Variants in AGBL1 observed in about 807,000 individuals in gnomAD.
AGBL1 encodes AGBL carboxypeptidase 1, also known as cytosolic carboxypeptidase 4.
In AGBL1, 130 loss-of-function variants were observed where a neutral mutation model predicts 118.9. The observed-to-expected ratio is 1.09, with a 90% CI of 0.95 to 1.26. The LOEUF (loss-of-function observed/expected upper bound fraction) is 1.26, where lower values mean the gene tolerates loss of function less well. Among genes scored for constraint, AGBL1 ranks in the 50% most tolerant of loss-of-function variants. The pLI is 0.00. For synonymous variants in AGBL1, 555 were observed against 478.9 expected (o/e 1.16, Z -2.08); for missense variants, 1,584 against 1,298.1 (o/e 1.22, Z -3.38).
chr15:86,881,836 A>C (rs1356378234), intron 22 of AGBL1, among the ~76,000 whole-genome samples: 1 of 152,144 alleles, frequency 6.6e-6, no homozygotes, highest in African/African-American at 2.4e-5. Context: ...GAGTTTTGCC[A>C]TGTGGGCTAG....
At chr15:86,470,291 C>G (rs1479674525) in intron 18 of AGBL1, among the ~76,000 whole-genome samples, 1 of 152,062 alleles carries the variant, frequency 6.6e-6, no homozygotes, top group Non-Finnish European at 1.5e-5. Context: ...TTGCATGTGA[C>G]TATCTAGTTT....
intron 17 of AGBL1, among the ~76,000 whole-genome samples, chr15:86,341,966 C>T (rs1050841957): frequency 2.2e-4 from 33 of 152,042 alleles, no homozygotes; most frequent in African/African-American, 5.1e-4. Flanking sequence ...ATGAATATTT[C>T]GTGAACCCAG....
chr15:87,029,144 A>C (rs141458587), downstream of AGBL1: 12 of 261,786 alleles, frequency 4.6e-5, no homozygotes, highest in East Asian at 7.6e-4. Flanking sequence ...AAAGAATCGC[A>C]AAGGTACTTC....
chr15:86,259,030 T>G (rs1025717065), intron 9 of AGBL1, among the ~76,000 whole-genome samples: 1 of 152,216 alleles, frequency 6.6e-6, no homozygotes, highest in East Asian at 1.9e-4. Context: ...TTTACAAAAA[T>G]AAGCAGTGGG....
intron 21 of AGBL1, among the ~76,000 whole-genome samples, chr15:86,585,705 C>G (rs1462135889): frequency 6.6e-6 from 1 of 152,008 alleles, no homozygotes; most frequent in Non-Finnish European, 1.5e-5. Context: ...ATAAAATAAA[C>G]AAAGGGTTAG....
intron 5 of AGBL1, among the ~76,000 whole-genome samples, chr15:86,200,071 C>T (rs2077878940): frequency 6.6e-6 from 1 of 152,144 alleles, no homozygotes; most frequent in Non-Finnish European, 1.5e-5. Flanking sequence ...CATGCAAACG[C>T]TGTTAATTGT....
At chr15:86,248,966 A>G (rs1457419570) in intron 7 of AGBL1, among the ~76,000 whole-genome samples, 4 of 152,196 alleles carry the variant, frequency 2.6e-5, no homozygotes, top group African/African-American at 9.6e-5. Context: ...TTGCAGAGGA[A>G]GAGCATCCCA....
chr15:86,628,429 A>T (rs553382107), intron 21 of AGBL1, among the ~76,000 whole-genome samples: 3 of 152,348 alleles, frequency 2.0e-5, no homozygotes. Context: ...CCTAGAACAT[A>T]GCACTGATAG....
intron 18 of AGBL1, among the ~76,000 whole-genome samples, chr15:86,492,741 A>G (rs2142144991): frequency 6.6e-6 from 1 of 152,222 alleles, no homozygotes; most frequent in African/African-American, 2.4e-5. Flanking sequence ...GATTATTTTG[A>G]GGGTAGTGTA....
intron 21 of AGBL1, among the ~76,000 whole-genome samples, chr15:86,658,423 T>C (rs1303059183): frequency 4.6e-5 from 7 of 152,188 alleles, no homozygotes; most frequent in Admixed American, 4.6e-4. Context: ...ATGAACTCTA[T>C]TGGGGATTTT....
chr15:86,405,220 G>A (rs1025191857), intron 18 of AGBL1, among the ~76,000 whole-genome samples: 1 of 152,126 alleles, frequency 6.6e-6, no homozygotes, highest in Admixed American at 6.6e-5. Flanking sequence ...TAAAGAAAGT[G>A]CCTATGCCTG....
chr15:87,001,826 TG>T (rs2081441452), intron 24 of AGBL1, among the ~76,000 whole-genome samples: 1 of 152,192 alleles, frequency 6.6e-6, no homozygotes. Flanking sequence ...TTGATGGGGT[TG>T]TTTTTTTCTT....
chr15:86,477,146 A>T (rs922801614), intron 18 of AGBL1, among the ~76,000 whole-genome samples: 2 of 152,186 alleles, frequency 1.3e-5, no homozygotes, highest in Admixed American at 6.5e-5. Flanking sequence ...TCTAAAACTG[A>T]CACCCTAACA....
chr15:86,125,117 G>A (rs1275668203), intron 1 of AGBL1, among the ~76,000 whole-genome samples: 1 of 152,188 alleles, frequency 6.6e-6, no homozygotes, highest in Non-Finnish European at 1.5e-5. Flanking sequence ...TGGTGAATGT[G>A]TGCTTACTTT....
chr15:86,494,118 C>CT (rs1176238569), intron 18 of AGBL1, among the ~76,000 whole-genome samples: 2 of 152,014 alleles, frequency 1.3e-5, no homozygotes, highest in Non-Finnish European at 2.9e-5. Context: ...GATGAGTCAT[C>CT]TTCTACTCTA....
intron 24 of AGBL1, among the ~76,000 whole-genome samples, chr15:87,014,262 G>C (rs1373560277): frequency 1.6e-5 from 2 of 124,508 alleles, no homozygotes; most frequent in African/African-American, 5.6e-5. Context: ...AGAAGGCTGT[G>C]TGTATTAGCT....
At chr15:87,031,057 G>A (rs886197259), downstream of AGBL1, among the ~76,000 whole-genome samples, 1 of 151,950 alleles carries the variant, frequency 6.6e-6, no homozygotes, top group Non-Finnish European at 1.5e-5. Flanking sequence ...TCATTTTTAG[G>A]CAAACATATT....
chr15:86,504,818 A>G (rs1028934109), intron 18 of AGBL1, among the ~76,000 whole-genome samples: 10 of 151,770 alleles, frequency 6.6e-5, no homozygotes, highest in African/African-American at 2.2e-4. Flanking sequence ...ATAATTAAAA[A>G]TACAATGCCT....
chr15:86,340,862 C>T (rs1016002327), intron 17 of AGBL1, among the ~76,000 whole-genome samples: 3 of 152,172 alleles, frequency 2.0e-5, no homozygotes, highest in Non-Finnish European at 4.4e-5. Context: ...AGGATTCTGG[C>T]TGCACACTAA....
Sources: allele counts gnomAD v4.1 joint callset (sites outside exome capture counted in the v4.1 genomes callset), GRCh38; gene constraint gnomAD v4.1.1; transcripts MANE v1.5; gene names NCBI Gene and HGNC (gene_info 2026-07-23, HGNC 2026-07-21).